The following RFT1 variants were observed in gnomAD, a reference collection of about 807,000 sequenced individuals.
RFT1 encodes the protein RFT1 glycolipid translocator homolog.
In RFT1, 43 loss-of-function variants were observed where a neutral mutation model predicts 62.2. The observed-to-expected ratio is 0.69, with a 90% confidence interval of 0.54 to 0.89. The LOEUF (loss-of-function observed/expected upper bound fraction) is 0.89, where lower values mean the gene tolerates loss of function less well. Among genes scored for constraint, RFT1 ranks in the 40% least tolerant of loss-of-function variants. The pLI is 0.00. For missense variants in RFT1, 605 were observed against 649.9 expected, an observed-to-expected ratio of 0.93 and a Z score of 0.75; for synonymous variants, 262 against 264.6, an observed-to-expected ratio of 0.99 and a Z score of 0.10.
chr3:53,072,715 C>T, the RFT1 span, among the ~76,000 whole-genome samples: 8 of 152,234 alleles, frequency 5.3e-5, no homozygotes, highest in Admixed American at 2.0e-4. Flanking sequence ...GCATCGCAGC[C>T]TCCGCTGAGC....
At chr3:53,076,624 A>G in the RFT1 span, among the ~76,000 whole-genome samples, 2 of 152,168 alleles carry the variant, frequency 1.3e-5, no homozygotes, top group South Asian at 4.1e-4. Context: ...AGAGGTGGCT[A>G]TCAGCTCATT....
rs1288051913 is a variant in RFT1, at chr3:53,089,452, G to A, written c.*2451C>T. 1 of 152,242 alleles carries A rather than the reference G, an allele frequency of 6.6e-6. No individual in the cohort carries two copies. The highest frequency in any genetic ancestry group is 2.4e-5 in the African/African-American group (1 of 41,456). 9.4% of individuals were successfully genotyped at this position (152,242 alleles called of 1,614,324 possible). ...AGCCTCACTATAAGTGGTATTGAAA[G>A]CCAAAAGTATGATTTCTGCTCCCCA... On this transcript the variant is annotated 3_prime_UTR_variant, in exon 13 of 13. Coordinates refer to ENST00000296292, the MANE Select transcript of RFT1 (RefSeq NM_052859.4).
chr3:53,069,185 C>T, the RFT1 span, among the ~76,000 whole-genome samples: 1 of 152,214 alleles, frequency 6.6e-6, no homozygotes, highest in Non-Finnish European at 1.5e-5. Flanking sequence ...AGTGCTCCGC[C>T]CTCCTCAGCC....
rs867325069 is a variant in RFT1, at chr3:53,105,424, C to A, written c.957+249G>T. On this transcript the variant is annotated intron_variant, in intron 9 of 12. Transcript: ENST00000296292. ...GCAAGACTCTATCCCCGCCCCCCCC[C>A]CCAAAAAGAGTAAGGTCACAACGAA... 4.2e-3 allele frequency among the ~76,000 whole-genome samples: 563 copies of A among 134,412 alleles called. 16 individuals are homozygous for A. The highest frequency in any genetic ancestry group is 0.013 in the African/African-American group (451 of 35,994). 88.2% of individuals were successfully genotyped at this position (134,412 alleles called of 152,430 possible).
chr3:53,070,922 G>C, the RFT1 span, among the ~76,000 whole-genome samples: 1 of 148,586 alleles, frequency 6.7e-6, no homozygotes, highest in African/African-American at 2.5e-5. Flanking sequence ...AGTAGAGACA[G>C]GGTTTCACCA....
chr3:53,093,177 T>G (rs1412831472), intron 11 of RFT1, among the ~76,000 whole-genome samples: 1 of 152,174 alleles, frequency 6.6e-6, no homozygotes, highest in Non-Finnish European at 1.5e-5. Context: ...CCCAGTAACC[T>G]TGGGCAGTAG....
chr3:53,097,262 T>C (rs1408217763), intron 11 of RFT1, among the ~76,000 whole-genome samples: 1 of 151,402 alleles, frequency 6.6e-6, no homozygotes, highest in Non-Finnish European at 1.5e-5. Context: ...AATGCCAACG[T>C]CTGTGATGAG....
intron 2 of RFT1, among the ~76,000 whole-genome samples, chr3:53,125,590 T>C (rs1702086750): frequency 6.6e-6 from 1 of 152,264 alleles, no homozygotes; most frequent in South Asian, 2.1e-4. Flanking sequence ...CATAGGATTA[T>C]ATCTGAGAGA....
chr3:53,119,385 C>T (rs762478940), intron 6 of RFT1, among the ~76,000 whole-genome samples: 1 of 152,234 alleles, frequency 6.6e-6, no homozygotes, highest in Non-Finnish European at 1.5e-5. Context: ...TGTCCTCACT[C>T]TGACCCTCAC....
chr3:53,110,701 C>T (rs768603479), intron 7 of RFT1, among the ~76,000 whole-genome samples: 9 of 152,050 alleles, frequency 5.9e-5, no homozygotes, highest in East Asian at 1.9e-4. Flanking sequence ...TATTAGAATG[C>T]TAGTATTATT....
chr3:53,074,037 G>C, the RFT1 span, among the ~76,000 whole-genome samples: 1 of 152,194 alleles, frequency 6.6e-6, no homozygotes, highest in Admixed American at 6.5e-5. Flanking sequence ...GGCCCTGCGA[G>C]GGCCCAGGTG....
chr3:53,075,927 GCA>G, the RFT1 span, among the ~76,000 whole-genome samples: 1 of 152,198 alleles, frequency 6.6e-6, no homozygotes, highest in African/African-American at 2.4e-5. Context: ...GGCTGGTTTA[GCA>G]AGTTTAAGGG....
intron 10 of RFT1, among the ~76,000 whole-genome samples, chr3:53,102,039 T>TAA (rs1316851081): frequency 3.8e-5 from 5 of 131,420 alleles, no homozygotes; most frequent in Admixed American, 7.6e-5. Flanking sequence ...TTCATCTCAC[T>TAA]AAAAAAAAAA....
rs113829901 is a variant in RFT1 at position 53,092,471 on chromosome 3, G to A, written c.1356C>T (p.Arg452=). Residue 452 remains arginine (R), a synonymous_variant, in exon 12 of 13, where the codon CGC becomes CGT. Transcript: ENST00000296292. The part of the protein sequence containing the change: ...RITQSLCFIH[R]YYRRSPHRPL... ...GCCTGTGGGGGCTCCTTCGGTAGTA[G>A]CGGTGGATGAAGCAAAGGCTCTGCG... 2.4e-4 allele frequency: 390 copies of A among 1,612,286 alleles called. No homozygotes were observed. The highest frequency in any genetic ancestry group is 9.9e-4 in the Middle Eastern group (6 of 6,080).
At chr3:53,092,716 C>A in intron 11 of RFT1, 98 bp from the exon 12 acceptor site, 1 of 1,400,754 alleles carries the variant, frequency 7.1e-7, no homozygotes, top group East Asian at 2.5e-5. Flanking sequence ...CAGAAAGAAC[C>A]TGAGCTCCTG....
At chr3:53,094,602 T>C (rs1395025027) in intron 11 of RFT1, among the ~76,000 whole-genome samples, 1 of 152,040 alleles carries the variant, frequency 6.6e-6, no homozygotes, top group Admixed American at 6.6e-5. Context: ...GACCAGTACT[T>C]TGACCTCTTT....
At chr3:53,128,997 G>A (rs991361591) in intron 1 of RFT1, among the ~76,000 whole-genome samples, 2 of 152,008 alleles carry the variant, frequency 1.3e-5, no homozygotes, top group South Asian at 2.1e-4. Flanking sequence ...TGTGTTTTCC[G>A]TTATAACTTG....
chr3:53,123,798 C>A lies in RFT1; in HGVS notation c.192G>T (p.Glu64Asp), dbSNP rs1395330771. 1 of 1,614,200 alleles carries A rather than the reference C, an allele frequency of 6.2e-7. No homozygotes were observed. The highest frequency in any genetic ancestry group is 1.1e-5 in the South Asian group (1 of 91,090). Reference sequence around the variant, plus strand: ...CACTGAGACATGCTCTGCGGAAGGCCTCTCTGGCCAGGAAGAGGGTGGTTG... The same window carrying A: ...CACTGAGACATGCTCTGCGGAAGGCATCTCTGGCCAGGAAGAGGGTGGTTG... ...LYSTTLFLAR[E>D]AFRRACLSGG... Residue 64 changes from glutamate (E) to aspartate (D), a missense_variant, in exon 3 of 13, where the codon GAG becomes GAT. Physicochemically the swap from Glu to Asp is conservative, Grantham distance 45. Coordinates refer to ENST00000296292, the MANE Select transcript of RFT1 (RefSeq NM_052859.4).
At chr3:53,095,663 C>T (rs1559580750) in intron 11 of RFT1, among the ~76,000 whole-genome samples, 1 of 151,702 alleles carries the variant, frequency 6.6e-6, no homozygotes, top group East Asian at 1.9e-4. Flanking sequence ...CTGTAGTGAG[C>T]TATGATTGTA....
Sources: allele counts gnomAD v4.1 joint callset (sites outside exome capture counted in the v4.1 genomes callset), GRCh38; gene constraint gnomAD v4.1.1; transcripts MANE v1.5; gene names NCBI Gene and HGNC (gene_info 2026-07-23, HGNC 2026-07-21).